Variants in POLE observed in about 807,000 individuals in gnomAD.
The protein encoded by POLE is DNA polymerase epsilon catalytic subunit A.
POLE carries 188 observed loss-of-function variants against 279.2 expected under a neutral mutation model. The ratio of observed to expected loss-of-function variants is 0.67; its 90% CI spans 0.60 to 0.76. The LOEUF is 0.76. Among genes scored for constraint, POLE ranks in the 30% least tolerant of loss-of-function variants. POLE has a pLI of 0.00. For synonymous variants in POLE, 1,214 were observed against 1,172.5 expected, an observed-to-expected ratio of 1.04 and a Z score of -0.72; for missense variants, 2,703 against 3,016.7, an observed-to-expected ratio of 0.90 and a Z score of 2.44.
intron 40 of POLE, 35 bp from the exon 41 acceptor site, chr12:132,638,174 C>T (rs2042072986): frequency 6.2e-7 from 1 of 1,608,456 alleles, no homozygotes. Context: ...GGTGGAGACG[C>T]CACAGTCATG....
At chr12:132,678,180 A>T (rs185747532) in intron 6 of POLE, among the ~76,000 whole-genome samples, 47 of 151,948 alleles carry the variant, frequency 3.1e-4, no homozygotes, top group Admixed American at 6.5e-4. Flanking sequence ...TCCATCTCAA[A>T]AAAATAAAGA....
chr12:132,676,494 C>G (rs2136015000), intron 9 of POLE, 52 bp downstream of exon 9: 1 of 1,120,272 alleles, frequency 8.9e-7, no homozygotes, highest in Non-Finnish European at 1.4e-6. Flanking sequence ...AGTATGGGGA[C>G]CAGACAAGGT....
In POLE at chr12:132,675,314, TGTG is replaced by T; in HGVS notation, c.1226+81_1226+83del. ...CGGAGGCCACCCTCCTCCCATGAGA[TGTG>T]GTGACAGCACAGTCTGCAAGAGGCC... On this transcript the variant is annotated intron_variant, in intron 12 of 48. Transcript: ENST00000320574. The surrounding 1 kb of genome is among the most constrained non-coding windows in gnomAD (Gnocchi z 4.3). The T allele has an allele frequency of 6.6e-7, 1 of 1,526,608 alleles. No homozygotes were observed. Among genetic ancestry groups the T allele is most frequent in the Non-Finnish European group, 8.9e-7 (1 of 1,129,020 alleles). 94.6% of individuals were successfully genotyped at this position (1,526,608 alleles called of 1,614,324 possible).
intron 39 of POLE, among the ~76,000 whole-genome samples, chr12:132,640,103 C>T (rs562348627): frequency 6.6e-6 from 1 of 152,270 alleles, no homozygotes; most frequent in Non-Finnish European, 1.5e-5. Flanking sequence ...TTTAAATGGA[C>T]CATTCAGGCG....
rs1375534648 is a variant in POLE at position 132,639,857 on chromosome 12, G to A, written c.5379-559C>T. ...TGCTACTCGGGAGGCTAAGGCAGGA[G>A]AATCGCTTGAACCCGGGAGGTGGAG... On this transcript the variant is annotated intron_variant, in intron 39 of 48. Coordinates refer to ENST00000320574, the MANE Select transcript of POLE (RefSeq NM_006231.4). The surrounding 1 kb of genome is among the most constrained non-coding windows in gnomAD (Gnocchi z 4.7). 6.6e-6 allele frequency among the ~76,000 whole-genome samples: 1 copy of A among 152,230 alleles called. No homozygotes were observed. The highest frequency in any genetic ancestry group is 1.5e-5 in the Non-Finnish European group (1 of 68,036).
Position 132,639,898 on chromosome 12 carries a change from G to A in POLE, c.5379-600C>T, listed in dbSNP as rs1250601265. Reference sequence around the variant, plus strand: ...GGAGGTGGAGGTTGCAGTGACCCAAGATGGTGCCACTGCATTCCAGCCTGG... The same window carrying A: ...GGAGGTGGAGGTTGCAGTGACCCAAAATGGTGCCACTGCATTCCAGCCTGG... On this transcript the variant is annotated intron_variant, in intron 39 of 48. Coordinates refer to ENST00000320574, the MANE Select transcript of POLE (RefSeq NM_006231.4). This position sits in a 1 kb window ranked among gnomAD's most constrained non-coding sequence, Gnocchi z 4.7. 1.3e-5 allele frequency among the ~76,000 whole-genome samples: 2 copies of A among 152,188 alleles called. No individual in the cohort carries two copies. The highest frequency in any genetic ancestry group is 4.8e-5 in the African/African-American group (2 of 41,420).
chr12:132,658,094 T>C (rs1413364405), intron 26 of POLE, 124 bp from the exon 27 acceptor site: 16 of 669,688 alleles, frequency 2.4e-5, no homozygotes, highest in Non-Finnish European at 4.3e-5. Flanking sequence ...CATCAATGTA[T>C]ACATCTGCGT....
In POLE at chr12:132,661,433, T is replaced by C. The variant is rs2042678525; in HGVS notation, c.2864+94A>G. 7.3e-7 allele frequency: 1 copy of C among 1,368,442 alleles called. No individual in the cohort carries two copies. Among genetic ancestry groups the C allele is most frequent in the East Asian group, 2.3e-5 (1 of 43,642 alleles). The allele number at this position is 1,368,442 out of a possible 1,614,324, so 84.8% of individuals were successfully genotyped here. A position where few individuals can be genotyped will look rare whatever the true frequency, so the allele number is the denominator to read the frequency against. On this transcript the variant is annotated intron_variant, in intron 24 of 48. Transcript: ENST00000320574. The surrounding 1 kb of genome is among the most constrained non-coding windows in gnomAD (Gnocchi z 4.1). ...GATCACAAGAACCCAGGTCTGTTTC[T>C]ATCCTGGCTCCTGATCCAACCTCCT...
chr12:132,642,156 C>G (rs771887304), intron 38 of POLE, 21 bp downstream of exon 38: 9 of 1,516,982 alleles, frequency 5.9e-6, no homozygotes. Context: ...TCTCATGGGC[C>G]TCGTCCTCCC....
In POLE at chr12:132,639,631, A is replaced by G. The variant is rs2042101620; in HGVS notation, c.5379-333T>C. Among the ~76,000 whole-genome samples, 1 of 152,222 alleles carries G rather than the reference A, an allele frequency of 6.6e-6. No individual in the cohort carries two copies. Among genetic ancestry groups the G allele is most frequent in the Admixed American group, 6.5e-5 (1 of 15,280 alleles). On this transcript the variant is annotated intron_variant, in intron 39 of 48. Transcript: ENST00000320574. This position sits in a 1 kb window ranked among gnomAD's most constrained non-coding sequence, Gnocchi z 4.7. ...GGCCGGGGACCCTGACAGGAAGGAC[A>G]CAGCAAAGCCACTGCCTAGACATCA... is the stretch of plus-strand genomic sequence containing the variant.
In POLE at chr12:132,645,193, A is replaced by G. The variant is rs796949575; in HGVS notation, c.4150-1216T>C. 1.3e-4 allele frequency among the ~76,000 whole-genome samples: 8 copies of G among 59,792 alleles called. No individual in the cohort carries two copies. The South Asian group carries it at 5.8e-3, about 43-fold the overall frequency. The allele number at this position is 59,792 out of a possible 152,430, so 39.2% of individuals were successfully genotyped here. On this transcript the variant is annotated intron_variant, in intron 32 of 48. Coordinates refer to ENST00000320574, the MANE Select transcript of POLE (RefSeq NM_006231.4). The stretch of plus-strand genomic sequence containing the variant: ...CCTGGGGGGTCTGGGAGAGCTGGAG[A>G]GGGTGCACCCTAGCTTCCTGTGTGG...
At chr12:132,672,384 GT>G (rs1434578226) in intron 15 of POLE, 62 bp from the exon 16 acceptor site, 33 of 1,365,338 alleles carry the variant, frequency 2.4e-5, no homozygotes, top group Non-Finnish European at 3.5e-5. Context: ...CCTGCCTCAG[GT>G]TTGACGCTGT....
intron 32 of POLE, among the ~76,000 whole-genome samples, chr12:132,646,827 T>C (rs1303279520): frequency 1.3e-5 from 2 of 151,936 alleles, no homozygotes; most frequent in African/African-American, 2.4e-5. Context: ...AGAAACTCCA[T>C]CTCAAAACAA....
Position 132,667,546 on chromosome 12 carries a change from C to T in POLE, c.2276G>A (p.Arg759His), listed in dbSNP as rs746774432. ...RENSFYVDTVRAFRDRRYEFK... is the reference protein window; with the variant it reads ...RENSFYVDTVHAFRDRRYEFK... ...CTCGTAACGCCTGTCCCGGAAGGCA[C>T]GCACGGTGTCCACGTAGAAGGAGTT... is the stretch of plus-strand genomic sequence containing the variant. The change falls in exon 20 of 49, where the codon CGT (arginine) becomes CAT (histidine). Residue 759 changes from arginine to histidine, a missense_variant. Coordinates refer to ENST00000320574, the MANE Select transcript of POLE (RefSeq NM_006231.4). The T allele has an allele frequency of 1.7e-5, 28 of 1,613,856 alleles. No individual in the cohort carries two copies. The Middle Eastern group carries it at 4.9e-4, about 28-fold the overall frequency.
At chr12:132,663,908 G>A (rs1368554339) in intron 23 of POLE, 96 bp downstream of exon 23, 2 of 1,325,204 alleles carry the variant, frequency 1.5e-6, no homozygotes, top group African/African-American at 2.9e-5. Context: ...TGGGTGCCAG[G>A]AAGGCATGCA....
At chr12:132,641,081 A>G in intron 39 of POLE, 1 of 456,710 alleles carries the variant, frequency 2.2e-6, no homozygotes, top group Non-Finnish European at 4.4e-6. Flanking sequence ...CCTTATCTGA[A>G]AAACAGACAA....
chr12:132,677,296 G>T, intron 8 of POLE, 67 bp downstream of exon 8: 2 of 1,079,746 alleles, frequency 1.9e-6, no homozygotes, highest in Non-Finnish European at 2.9e-6. Flanking sequence ...TCACTCTCCA[G>T]CACTGAAGAA....
Position 132,642,272 on chromosome 12 carries a change from T to G in POLE, c.5078A>C (p.Asp1693Ala). Reference sequence around the variant, plus strand: ...GTCATCAGCCTCCTTTCCACCCAGGTCAGGGCGGGCTGTAGGGGACAGCCA... The same window carrying G: ...GTCATCAGCCTCCTTTCCACCCAGGGCAGGGCGGGCTGTAGGGGACAGCCA... ...LLWLSPTARP[D>A]LGGKEADDNC... is the part of the protein sequence containing the mutation. The change falls in exon 38 of 49, where the codon GAC becomes GCC. Residue 1693 changes from aspartate to alanine, a missense_variant. Asp to Ala is a moderately radical substitution (Grantham distance 126). Transcript: ENST00000320574. 1.9e-6 allele frequency: 3 copies of G among 1,611,060 alleles called. No homozygotes were observed. Among genetic ancestry groups the G allele is most frequent in the Non-Finnish European group, 2.5e-6 (3 of 1,178,554 alleles).
At position 132,687,274 on chromosome 12, in the gene POLE, G is replaced by T. The variant is rs934764678; in HGVS notation, c.42C>A (p.Gly14=). The change falls in exon 1 of 49, where the codon GGC becomes GGA. Residue 14 remains glycine (G), a synonymous_variant. Coordinates refer to ENST00000320574, the MANE Select transcript of POLE (RefSeq NM_006231.4). ...CTCACCTGCTGGCCTCGCCATCCGC[G>T]CCTGGGTCCGCGCGCCGCCGCCCGC... ...RSGGRRRADP[G]ADGEASRDDG... 9.7e-5 allele frequency: 145 copies of T among 1,501,268 alleles called. No individual in the cohort carries two copies. Among genetic ancestry groups the T allele is most frequent in the Non-Finnish European group, 1.3e-4 (141 of 1,127,438 alleles). 93.0% of individuals were successfully genotyped at this position (1,501,268 alleles called of 1,614,324 possible).
Sources: allele counts gnomAD v4.1 joint callset (sites outside exome capture counted in the v4.1 genomes callset), GRCh38; gene constraint gnomAD v4.1.1; non-coding constraint Gnocchi (gnomAD v3.1); transcripts MANE v1.5; gene names NCBI Gene and HGNC (gene_info 2026-07-23, HGNC 2026-07-21).